Variants in PTPRM observed in about 807,000 individuals in gnomAD.
The protein encoded by PTPRM is receptor-type tyrosine-protein phosphatase mu.
A neutral mutation model predicts 186.7 loss-of-function variants in PTPRM; 47 were observed. The ratio of observed to expected loss-of-function variants is 0.25; its 90% CI spans 0.20 to 0.32. The LOEUF is 0.32. Among genes scored for constraint, PTPRM ranks in the 10% least tolerant of loss-of-function variants. The probability of loss-of-function intolerance (pLI) is 1.00; values close to 1 mark genes in which losing one functional copy is unlikely to be tolerated. For missense variants in PTPRM, 1,494 were observed against 1,865.0 expected (o/e 0.80, Z 3.66); for synonymous variants, 668 against 674.9 (o/e 0.99, Z 0.16).
intron 4 of PTPRM, among the ~76,000 whole-genome samples, 163 bp downstream of exon 4, chr18:7,906,746 T>C (rs1482539668): frequency 6.6e-6 from 1 of 152,232 alleles, no homozygotes; most frequent in Non-Finnish European, 1.5e-5. Flanking sequence ...CAAAAGCATG[T>C]ACTTTGTGTA....
chr18:7,774,261 G>C lies in PTPRM; in HGVS notation c.186G>C (p.Trp62Cys), dbSNP rs1254895591. 6.2e-7 allele frequency: 1 copy of C among 1,613,784 alleles called. No individual in the cohort carries two copies. The highest frequency in any genetic ancestry group is 2.2e-5 in the East Asian group (1 of 44,862). ...TGACTAAACCGACTTCTGATCCATG[G>C]ATGCCATCAGGTTTGCTTTTAGTTT... Reference protein sequence around the residue: ...NTLTKPTSDPWMPSGSFMLVN... With the variant: ...NTLTKPTSDPCMPSGSFMLVN... Residue 62 changes from tryptophan to cysteine, a missense_variant, in exon 2 of 33, where the codon TGG (tryptophan) becomes TGC (cysteine). Physicochemically the swap from Trp to Cys is radical, Grantham distance 215 (BLOSUM62 -2). Coordinates refer to ENST00000580170, the MANE Select transcript of PTPRM (RefSeq NM_001105244.2).
intron 2 of PTPRM, among the ~76,000 whole-genome samples, chr18:7,842,382 C>G (rs1383033406): frequency 6.6e-6 from 1 of 152,152 alleles, no homozygotes; most frequent in Admixed American, 6.5e-5. Flanking sequence ...CCCAACTAAC[C>G]AATGAAGTGT....
chr18:8,266,520 G>A (rs2094702779), intron 19 of PTPRM, among the ~76,000 whole-genome samples: 1 of 152,152 alleles, frequency 6.6e-6, no homozygotes, highest in Admixed American at 6.5e-5. Context: ...CCATGTTTTT[G>A]ACCAGTCATG....
intron 2 of PTPRM, among the ~76,000 whole-genome samples, chr18:7,837,779 T>G (rs1300988656): frequency 6.6e-6 from 1 of 152,204 alleles, no homozygotes; most frequent in Non-Finnish European, 1.5e-5. Flanking sequence ...AGGTCACATA[T>G]TTCAGAATTG....
chr18:8,204,657 C>A (rs746543656), intron 14 of PTPRM, among the ~76,000 whole-genome samples: 19 of 152,048 alleles, frequency 1.2e-4, no homozygotes, highest in Non-Finnish European at 2.4e-4. Flanking sequence ...TTTCTCTGTT[C>A]TTCGCATCAC....
At chr18:7,615,084 T>A (rs187872567) in intron 1 of PTPRM, among the ~76,000 whole-genome samples, 1 of 152,274 alleles carries the variant, frequency 6.6e-6, no homozygotes, top group Admixed American at 6.5e-5. Context: ...TAGATTATAA[T>A]TGAGAATTTT....
At chr18:7,780,127 C>A (rs1169155125) in intron 2 of PTPRM, among the ~76,000 whole-genome samples, 2 of 152,144 alleles carry the variant, frequency 1.3e-5, no homozygotes, top group Non-Finnish European at 2.9e-5. Context: ...AGGCAAGTGG[C>A]AGCACAGTAT....
chr18:8,232,953 G>T (rs1213547086), intron 14 of PTPRM, among the ~76,000 whole-genome samples: 3 of 152,144 alleles, frequency 2.0e-5, no homozygotes, highest in African/African-American at 7.2e-5. Flanking sequence ...CGGCCATTTG[G>T]TTCACAGCAG....
At chr18:8,215,883 C>T (rs371357561) in intron 14 of PTPRM, among the ~76,000 whole-genome samples, 54 of 152,208 alleles carry the variant, frequency 3.5e-4, no homozygotes, top group African/African-American at 1.2e-3. Flanking sequence ...GCAGAGTAAC[C>T]GGGCTGCTTT....
intron 4 of PTPRM, among the ~76,000 whole-genome samples, chr18:7,907,950 T>G (rs1180660248): frequency 6.6e-6 from 1 of 152,038 alleles, no homozygotes; most frequent in Admixed American, 6.6e-5. Context: ...TTCTATCATA[T>G]GGATTTACTA....
chr18:8,303,765 A>G (rs2095187857), intron 20 of PTPRM, among the ~76,000 whole-genome samples: 1 of 152,144 alleles, frequency 6.6e-6, no homozygotes, highest in Middle Eastern at 3.2e-3. Context: ...ATCGAACTCA[A>G]ACTTCCTGCT....
chr18:8,025,124 G>T (rs1229995308), intron 7 of PTPRM, among the ~76,000 whole-genome samples: 2 of 152,068 alleles, frequency 1.3e-5, no homozygotes, highest in East Asian at 1.9e-4. Flanking sequence ...TATTTTAATG[G>T]AACATGACCC....
chr18:8,171,954 T>C (rs2093407411), intron 14 of PTPRM, among the ~76,000 whole-genome samples: 1 of 152,184 alleles, frequency 6.6e-6, no homozygotes, highest in Admixed American at 6.6e-5. Context: ...TATTGAATAC[T>C]GTGCCGAAAG....
At chr18:8,213,831 A>G (rs951873345) in intron 14 of PTPRM, among the ~76,000 whole-genome samples, 1 of 152,214 alleles carries the variant, frequency 6.6e-6, no homozygotes, top group Admixed American at 6.5e-5. Context: ...ACTGTTCACA[A>G]TTGCAAAGAT....
At chr18:7,605,426 C>CG (rs1266778921) in intron 1 of PTPRM, among the ~76,000 whole-genome samples, 3 of 151,834 alleles carry the variant, frequency 2.0e-5, no homozygotes, top group African/African-American at 2.4e-5. Flanking sequence ...ATGTCCCCCC[C>CG]CCACTTCCGT....
At chr18:8,386,946 G>A (rs771254511) in intron 30 of PTPRM, 126 bp from the exon 31 acceptor site, 49 of 984,232 alleles carry the variant, frequency 5.0e-5, no homozygotes, top group Non-Finnish European at 7.4e-5. Flanking sequence ...AAGCCACGTT[G>A]GTAATTTGTA....
intron 5 of PTPRM, among the ~76,000 whole-genome samples, chr18:7,937,295 C>T (rs764402669): frequency 6.6e-6 from 1 of 152,222 alleles, no homozygotes; most frequent in East Asian, 1.9e-4. Context: ...GGCTGTGACA[C>T]CCTCTTCGTG....
At chr18:8,379,443 T>C (rs2095717485) in intron 28 of PTPRM, 103 bp downstream of exon 28, 2 of 1,224,484 alleles carry the variant, frequency 1.6e-6, no homozygotes, top group Admixed American at 6.3e-5. Flanking sequence ...CTTTTGTTTT[T>C]TAAGACACAA....
At chr18:8,120,029 T>C (rs1184805895) in intron 13 of PTPRM, among the ~76,000 whole-genome samples, 1 of 152,184 alleles carries the variant, frequency 6.6e-6, no homozygotes, top group Non-Finnish European at 1.5e-5. Context: ...AAACTTTTTA[T>C]GTTAAGGGCC....
Sources: allele counts gnomAD v4.1 joint callset (sites outside exome capture counted in the v4.1 genomes callset), GRCh38; gene constraint gnomAD v4.1.1; transcripts MANE v1.5; gene names NCBI Gene and HGNC (gene_info 2026-07-23, HGNC 2026-07-21).